Variants in CDH23 observed in about 807,000 individuals in gnomAD.
CDH23 encodes the protein cadherin-23.
Under a neutral mutation model 317.1 loss-of-function variants are expected in CDH23, and 189 were observed. That is an observed-to-expected ratio of 0.60 (90% CI 0.53 to 0.67). CDH23 has a LOEUF of 0.67. Ranked by LOEUF, CDH23 falls within the 30% of genes least tolerant of loss-of-function variation. CDH23 has a pLI of 0.00. For synonymous variants in CDH23, 1,839 were observed against 1,876.8 expected, an observed-to-expected ratio of 0.98 and a Z score of 0.52; for missense variants, 4,401 against 4,592.4, an observed-to-expected ratio of 0.96 and a Z score of 1.20.
chr10:71,720,898 T>C (rs1866526817), intron 28 of CDH23, among the ~76,000 whole-genome samples: 1 of 152,158 alleles, frequency 6.6e-6, no homozygotes, highest in African/African-American at 2.4e-5. Context: ...CTGTGCTGGG[T>C]GGGCAGGGGC....
At chr10:71,498,789 C>T (rs1434194266) in intron 3 of CDH23, among the ~76,000 whole-genome samples, 2 of 152,186 alleles carry the variant, frequency 1.3e-5, no homozygotes, top group African/African-American at 4.8e-5. Context: ...AATGATGGTC[C>T]TTATTTGCTA....
intron 1 of CDH23, among the ~76,000 whole-genome samples, chr10:71,403,869 C>A (rs1484031899): frequency 6.6e-6 from 1 of 151,524 alleles, no homozygotes; most frequent in Non-Finnish European, 1.5e-5. Context: ...GTGGGTGGAT[C>A]ATTTGAGGTC....
chr10:71,426,662 G>C (rs940226099), intron 1 of CDH23, among the ~76,000 whole-genome samples: 1 of 151,990 alleles, frequency 6.6e-6, no homozygotes, highest in Non-Finnish European at 1.5e-5. Flanking sequence ...GATAAGCTTT[G>C]GTTTCTACAC....
In CDH23 at chr10:71,675,172, G is replaced by C; in HGVS notation, c.1510G>C (p.Asp504His). Reference protein sequence around the residue: ...EVSYFFSDDPDRFSLDKDTGL... With the variant: ...EVSYFFSDDPHRFSLDKDTGL... The stretch of plus-strand genomic sequence containing the variant: ...CAGCTACTTCTTCAGTGATGACCCT[G>C]ACAGGTGAGACTCTGCCCACAGCCC... Residue 504 changes from aspartate to histidine, a missense_variant, in exon 15 of 70, where the codon GAC becomes CAC. Asp to His is a moderately conservative substitution (Grantham distance 81). Coordinates refer to ENST00000224721, the MANE Select transcript of CDH23 (RefSeq NM_022124.6). 6.2e-7 allele frequency: 1 copy of C among 1,613,648 alleles called. No homozygotes were observed.
intron 22 of CDH23, among the ~76,000 whole-genome samples, chr10:71,696,933 C>T (rs546222791): frequency 6.6e-6 from 1 of 152,228 alleles, no homozygotes; most frequent in Non-Finnish European, 1.5e-5. Flanking sequence ...GGGTAACCTC[C>T]TCCCCACCCC....
At chr10:71,539,190 G>T (rs1027193499) in intron 6 of CDH23, among the ~76,000 whole-genome samples, 1 of 152,152 alleles carries the variant, frequency 6.6e-6, no homozygotes, top group African/African-American at 2.4e-5. Flanking sequence ...CATCCACGCC[G>T]TAGCCCCTTT....
At chr10:71,415,683 AT>A (rs1848504086) in intron 1 of CDH23, among the ~76,000 whole-genome samples, 1 of 152,180 alleles carries the variant, frequency 6.6e-6, no homozygotes, top group South Asian at 2.1e-4. Flanking sequence ...TATGTCACAA[AT>A]TTTGATGTCA....
intron 2 of CDH23, among the ~76,000 whole-genome samples, chr10:71,445,577 G>A (rs1234429750): frequency 6.6e-6 from 1 of 152,214 alleles, no homozygotes; most frequent in African/African-American, 2.4e-5. Context: ...GATGGCTCAC[G>A]CCTGTAATCT....
At chr10:71,773,522 A>C (rs1840739748) in intron 38 of CDH23, 1 of 1,324,450 alleles carries the variant, frequency 7.6e-7, no homozygotes, top group Admixed American at 2.2e-5. Context: ...CCCGCGACTG[A>C]GTGCGAGCGA....
intron 48 of CDH23, chr10:71,795,957 G>A (rs1841391028): frequency 1.0e-6 from 1 of 986,034 alleles, no homozygotes; most frequent in Non-Finnish European, 1.2e-6. Context: ...CCTGGGCCAA[G>A]GCCGTGGCCC....
At chr10:71,808,117 GCCCCCCAGC>G in intron 60 of CDH23, 110 bp downstream of exon 60, 1 of 1,333,684 alleles carries the variant, frequency 7.5e-7, no homozygotes, top group Admixed American at 2.1e-5. Flanking sequence ...GATATGGGTG[GCCCCCCAGC>G]CAGCCACACC....
rs56013867 is a variant in CDH23, at chr10:71,798,376, G to C, written c.6852G>C (p.Leu2284=). 5.7e-3 allele frequency: 9,213 copies of C among 1,613,818 alleles called. 28 individuals carry two copies. Among genetic ancestry groups the C allele is most frequent in the Admixed American group, 6.9e-3 (415 of 60,024 alleles). The change falls in exon 50 of 70, where the codon CTG becomes CTC. Residue 2284 remains leucine (L), a synonymous_variant. Transcript: ENST00000224721. The stretch of plus-strand genomic sequence containing the variant: ...CAGCCAAGCTGACTGTCAACGTCCT[G>C]GACGTCAATGACAATACGCCCCAGT... ...VPNAKLTVNV[L]DVNDNTPQFK...
At chr10:71,732,645 A>G in intron 32 of CDH23, 1 of 1,363,544 alleles carries the variant, frequency 7.3e-7, no homozygotes, top group Non-Finnish European at 9.5e-7. Flanking sequence ...ACAAAGAAAC[A>G]AAAAAAAGTC....
At chr10:71,769,363 G>A (rs1404671201) in intron 38 of CDH23, among the ~76,000 whole-genome samples, 1 of 152,076 alleles carries the variant, frequency 6.6e-6, no homozygotes, top group Non-Finnish European at 1.5e-5. Flanking sequence ...TGGTTTTCCT[G>A]TTACGTTCTT....
rs1002500893 is a variant in CDH23 at position 71,751,782 on chromosome 10, G to T, written c.4845+9861G>T. The T allele has an allele frequency of 2.5e-6, 4 of 1,600,754 alleles. No individual in the cohort carries two copies. The highest frequency in any genetic ancestry group is 1.7e-5 in the Admixed American group (1 of 57,752). ...TGCCGCTGGGCCACATAGGACAGGG[G>T]GTGCCTGACTTTGGCCTCGGGTATC... is the stretch of plus-strand genomic sequence containing the variant. On this transcript the variant is annotated intron_variant, in intron 38 of 69. Coordinates refer to ENST00000224721, the MANE Select transcript of CDH23 (RefSeq NM_022124.6). This position sits in a 1 kb window ranked among gnomAD's most constrained non-coding sequence, Gnocchi z 4.9.
At chr10:71,509,197 A>G (rs577307321) in intron 3 of CDH23, among the ~76,000 whole-genome samples, 15 of 152,228 alleles carry the variant, frequency 9.9e-5, no homozygotes, top group African/African-American at 3.4e-4. Context: ...CATCTTCTTA[A>G]CCTCTGTGTA....
intron 1 of CDH23, among the ~76,000 whole-genome samples, chr10:71,425,585 G>A (rs1039984296): frequency 2.6e-5 from 4 of 152,214 alleles, no homozygotes; most frequent in Non-Finnish European, 5.9e-5. Context: ...TGGAGCTCCT[G>A]TGTGGGTAGG....
intron 28 of CDH23, among the ~76,000 whole-genome samples, chr10:71,723,096 C>T (rs927311104): frequency 6.6e-6 from 1 of 152,144 alleles, no homozygotes; most frequent in Non-Finnish European, 1.5e-5. Flanking sequence ...CACCACAGGG[C>T]TGAAGTGAGA....
At chr10:71,617,754 C>G (rs969112582) in intron 11 of CDH23, 2 of 174,330 alleles carry the variant, frequency 1.1e-5, no homozygotes, top group Non-Finnish European at 2.3e-5. Flanking sequence ...TAATCCCAGC[C>G]CTTTGGGAGG....
Sources: allele counts gnomAD v4.1 joint callset (sites outside exome capture counted in the v4.1 genomes callset), GRCh38; gene constraint gnomAD v4.1.1; non-coding constraint Gnocchi (gnomAD v3.1); transcripts MANE v1.5; gene names NCBI Gene and HGNC (gene_info 2026-07-23, HGNC 2026-07-21).